Variants in LGR5 observed in about 807,000 individuals in gnomAD.
The protein encoded by LGR5 is leucine-rich repeat-containing G protein-coupled receptor 5.
A neutral mutation model predicts 76.7 loss-of-function variants in LGR5; 54 were observed. That is an observed-to-expected ratio of 0.70 (90% CI 0.57 to 0.88). The LOEUF (loss-of-function observed/expected upper bound fraction) is 0.88, where lower values mean the gene tolerates loss of function less well. LGR5 is among the 40% of genes least tolerant of loss of function. The pLI is 0.00. For missense variants in LGR5, 1,078 were observed against 1,073.3 expected (o/e 1.00, Z -0.06); for synonymous variants, 406 against 421.9 (o/e 0.96, Z 0.46).
chr12:71,496,242 A>T (rs1393357935), intron 1 of LGR5, among the ~76,000 whole-genome samples: 1 of 152,034 alleles, frequency 6.6e-6, no homozygotes, highest in Admixed American at 6.6e-5. Context: ...GTGGTGGCAC[A>T]TGCCTGTAGT....
At chr12:71,573,599 G>T (rs1416293265) in intron 13 of LGR5, among the ~76,000 whole-genome samples, 2 of 152,086 alleles carry the variant, frequency 1.3e-5, no homozygotes, top group Non-Finnish European at 2.9e-5. Context: ...ACTGAAACTG[G>T]ATTTCAATAT....
intron 3 of LGR5, among the ~76,000 whole-genome samples, chr12:71,529,908 G>A (rs1233441061): frequency 6.7e-6 from 1 of 150,112 alleles, no homozygotes; most frequent in Non-Finnish European, 1.5e-5. Context: ...GTGAGCCAAG[G>A]TAGTGCTACT....
intron 1 of LGR5, among the ~76,000 whole-genome samples, chr12:71,453,464 CTTT>C (rs565288717): frequency 1.9e-4 from 26 of 138,284 alleles, no homozygotes; most frequent in African/African-American, 3.2e-4. Context: ...TTATCCTTTC[CTTT>C]TTTTTTTTTT....
intron 3 of LGR5, among the ~76,000 whole-genome samples, chr12:71,529,087 G>A (rs1442515195): frequency 6.6e-6 from 1 of 152,132 alleles, no homozygotes; most frequent in Non-Finnish European, 1.5e-5. Context: ...TCTCCACTAT[G>A]ACGTTTGTAA....
chr12:71,473,538 C>A (rs987504281), intron 1 of LGR5, among the ~76,000 whole-genome samples: 2 of 151,956 alleles, frequency 1.3e-5, no homozygotes, highest in Non-Finnish European at 2.9e-5. Context: ...CTTCAGGAGG[C>A]TGAGGTGGGA....
In LGR5 at chr12:71,440,802, C is replaced by A. The variant is rs936052166; in HGVS notation, c.212+510C>A. 7.2e-5 allele frequency among the ~76,000 whole-genome samples: 11 copies of A among 152,206 alleles called. No homozygotes were observed. The highest frequency in any genetic ancestry group is 1.3e-4 in the Non-Finnish European group (9 of 68,036). ...TCCCTTGCACTGTGACGTGATGTAA[C>A]CTTTTTGGGGTTTTTTCCTCTTTTC... On this transcript the variant is annotated intron_variant, in intron 1 of 17. Transcript: ENST00000266674. The surrounding 1 kb of genome is among the most constrained non-coding windows in gnomAD (Gnocchi z 5.3).
Position 71,524,433 on chromosome 12 carries a change from C to T in LGR5, c.312C>T (p.Tyr104=), listed in dbSNP as rs1321741426. The T allele has an allele frequency of 3.7e-6, 6 of 1,613,216 alleles. No homozygotes were observed. In the African/African-American group the frequency reaches 5.3e-5, roughly 14 times the overall value. Residue 104 remains tyrosine, a synonymous_variant, in exon 3 of 18, where the codon TAC becomes TAT. Coordinates refer to ENST00000266674, the MANE Select transcript of LGR5 (RefSeq NM_003667.4). ...ELRLAGNALT[Y]IPKGAFTGLY... is the part of the protein sequence containing the mutation. ...GTCTTGCGGGAAACGCTCTGACATA[C>T]ATTCCCAAGGGAGCATTCACTGGCC...
intron 8 of LGR5, among the ~76,000 whole-genome samples, chr12:71,564,716 CATAT>C (rs1259176778): frequency 8.8e-5 from 1 of 11,300 alleles, no homozygotes; most frequent in African/African-American, 1.0e-4. Context: ...TGTATATATA[CATAT>C]ATACATATAT....
At chr12:71,480,061 A>G (rs36000607) in intron 1 of LGR5, among the ~76,000 whole-genome samples, 13,643 of 152,126 alleles carry the variant, frequency 0.09, 657 homozygotes, top group Non-Finnish European at 0.11. Context: ...AAGTGGCCAA[A>G]CACTTAAGAA....
intron 4 of LGR5, among the ~76,000 whole-genome samples, chr12:71,535,784 C>T (rs1224163211): frequency 2.0e-5 from 3 of 152,178 alleles, no homozygotes; most frequent in African/African-American, 7.2e-5. Context: ...TCACACACCA[C>T]ACACAGACAC....
In LGR5 at chr12:71,548,845, CA is replaced by C. The variant is rs1565744247; in HGVS notation, c.429-4227del. Among the ~76,000 whole-genome samples, 187 of 149,866 alleles carry C rather than the reference CA, an allele frequency of 1.2e-3. 1 individual carries two copies. The East Asian group carries it at 0.029, about 23-fold the overall frequency. On this transcript the variant is annotated intron_variant, in intron 4 of 17. Transcript: ENST00000266674. ...ACACACACACACACACACACACACACACACCCTCTGTGACTTGCACAAAATG... is the reference window on the plus strand; with the variant it reads ...ACACACACACACACACACACACACACCACCCTCTGTGACTTGCACAAAATG...
rs1423674580 is a variant in LGR5 at position 71,585,859 on chromosome 12, T to C, written c.*1125T>C. 6.6e-6 allele frequency: 1 copy of C among 152,226 alleles called. No homozygotes were observed. Among genetic ancestry groups the C allele is most frequent in the Non-Finnish European group, 1.5e-5 (1 of 68,032 alleles). 9.4% of individuals were successfully genotyped at this position (152,226 alleles called of 1,614,324 possible). A position where few individuals can be genotyped will look rare whatever the true frequency, so the allele number is the denominator to read the frequency against. On this transcript the variant is annotated 3_prime_UTR_variant, in exon 18 of 18. Coordinates refer to ENST00000266674, the MANE Select transcript of LGR5 (RefSeq NM_003667.4). ...CATTACTTCTCTGCTTATTCCATAT[T>C]AATACTGTGTTAGGTATTTTAAGAA... is the stretch of plus-strand genomic sequence containing the variant.
intron 9 of LGR5, 34 bp downstream of exon 9, chr12:71,566,509 C>G: frequency 6.4e-7 from 1 of 1,557,308 alleles, no homozygotes; most frequent in Non-Finnish European, 8.9e-7. Flanking sequence ...ATCACTTTCC[C>G]TCTACAGGGT....
At chr12:71,463,258 T>C (rs1156609351) in intron 1 of LGR5, among the ~76,000 whole-genome samples, 1 of 152,192 alleles carries the variant, frequency 6.6e-6, no homozygotes, top group Non-Finnish European at 1.5e-5. Flanking sequence ...ACACAGGTGA[T>C]TAAGACTGCT....
chr12:71,448,113 A>ACACACAC (rs1300176522), intron 1 of LGR5, among the ~76,000 whole-genome samples: 4 of 151,214 alleles, frequency 2.6e-5, no homozygotes, highest in African/African-American at 9.8e-5. Flanking sequence ...ACACACACAC[A>ACACACAC]AACTGTGGTG....
chr12:71,535,410 A>G (rs1452476245), intron 4 of LGR5, among the ~76,000 whole-genome samples: 2 of 152,150 alleles, frequency 1.3e-5, no homozygotes, highest in South Asian at 2.1e-4. Flanking sequence ...TTTAATTGCA[A>G]CATCTCCAGT....
At chr12:71,473,394 G>C (rs183816620) in intron 1 of LGR5, among the ~76,000 whole-genome samples, 1 of 152,272 alleles carries the variant, frequency 6.6e-6, no homozygotes, top group Admixed American at 6.5e-5. Flanking sequence ...ATGAATTAAT[G>C]TGACAAGCTG....
intron 4 of LGR5, among the ~76,000 whole-genome samples, chr12:71,547,851 C>T (rs1453370195): frequency 6.6e-6 from 1 of 152,116 alleles, no homozygotes; most frequent in African/African-American, 2.4e-5. Flanking sequence ...AGGTGATCTG[C>T]CTGCCTTGGC....
At position 71,559,659 on chromosome 12, in the gene LGR5, G is replaced by A. The variant is rs78882730; in HGVS notation, c.785+5G>A. The A allele has an allele frequency of 1.4e-6, 2 of 1,454,042 alleles. No individual in the cohort carries two copies. The highest frequency in any genetic ancestry group is 1.9e-6 in the Non-Finnish European group (2 of 1,036,696). 90.1% of individuals were successfully genotyped at this position (1,454,042 alleles called of 1,614,324 possible). A position where few individuals can be genotyped will look rare whatever the true frequency, so the allele number is the denominator to read the frequency against. On this transcript the variant is annotated splice_donor_5th_base_variant and intron_variant, in intron 7 of 17. Transcript: ENST00000266674. ...ACTCTCCAACCTTAAAGAACTGTAA[G>A]TATTTAGGACAATTTTAATGGGAGA...
Sources: allele counts gnomAD v4.1 joint callset (sites outside exome capture counted in the v4.1 genomes callset), GRCh38; gene constraint gnomAD v4.1.1; non-coding constraint Gnocchi (gnomAD v3.1); transcripts MANE v1.5; gene names NCBI Gene and HGNC (gene_info 2026-07-23, HGNC 2026-07-21).